Variants in PAPSS2 observed in about 807,000 individuals in gnomAD.
The protein encoded by PAPSS2 is bifunctional 3'-phosphoadenosine 5'-phosphosulfate synthase 2.
In PAPSS2, 61 loss-of-function variants were observed where a neutral mutation model predicts 66.5. The observed-to-expected ratio is 0.92, with a 90% CI of 0.75 to 1.14. PAPSS2 has a LOEUF of 1.14. PAPSS2 is among the 50% of genes most tolerant of loss of function. The probability of loss-of-function intolerance (pLI) is 0.00; values close to 1 mark genes in which losing one functional copy is unlikely to be tolerated. For synonymous variants in PAPSS2, 289 were observed against 287.5 expected (o/e 1.01, Z -0.05); for missense variants, 708 against 789.6 (o/e 0.90, Z 1.24).
intron 1 of PAPSS2, among the ~76,000 whole-genome samples, chr10:87,701,663 G>A (rs550594159): frequency 5.3e-5 from 8 of 152,026 alleles, no homozygotes; most frequent in African/African-American, 1.7e-4. Context: ...GGACTCAAGC[G>A]ATTCTCTCAC....
In PAPSS2 at chr10:87,747,689, A is replaced by T. The variant is rs1391465507; in HGVS notation, c.*1719A>T. The T allele has an allele frequency of 6.6e-6, 1 of 152,228 alleles. No individual in the cohort carries two copies. The highest frequency in any genetic ancestry group is 6.5e-5 in the Admixed American group (1 of 15,270). The allele number at this position is 152,228 out of a possible 1,614,324, so 9.4% of individuals were successfully genotyped here. ...AACTGATGCTTGTTCTTATTTTAAT[A>T]AATTTATCAGAGTGAAGGCTGAGTT... is the stretch of plus-strand genomic sequence containing the variant. On this transcript the variant is annotated 3_prime_UTR_variant, in exon 13 of 13. Coordinates refer to ENST00000456849, the MANE Select transcript of PAPSS2 (RefSeq NM_001015880.2).
intron 1 of PAPSS2, among the ~76,000 whole-genome samples, chr10:87,693,393 A>G (rs1853194914): frequency 6.6e-6 from 1 of 152,238 alleles, no homozygotes; most frequent in Non-Finnish European, 1.5e-5. Flanking sequence ...GTTCCCCAGC[A>G]GAGAGTGAAC....
chr10:87,711,620 A>T (rs1853463013), intron 2 of PAPSS2, among the ~76,000 whole-genome samples: 1 of 152,208 alleles, frequency 6.6e-6, no homozygotes, highest in African/African-American at 2.4e-5. Flanking sequence ...TGATTTGATG[A>T]AGTTAGTGTT....
chr10:87,669,772 G>A (rs1313224171), intron 1 of PAPSS2, among the ~76,000 whole-genome samples: 1 of 152,190 alleles, frequency 6.6e-6, no homozygotes, highest in Non-Finnish European at 1.5e-5. Context: ...AGTCCAAAGG[G>A]AACTCATTTA....
At chr10:87,686,802 C>T (rs565764239) in intron 1 of PAPSS2, among the ~76,000 whole-genome samples, 4 of 152,198 alleles carry the variant, frequency 2.6e-5, no homozygotes, top group Admixed American at 2.6e-4. Context: ...AAAAGAATTC[C>T]TAAACAGAAT....
In PAPSS2 at chr10:87,743,252, A is replaced by C. The variant is rs542900914; in HGVS notation, c.1223-121A>C. 1.9e-5 allele frequency: 21 copies of C among 1,120,882 alleles called. No individual in the cohort carries two copies. In the African/African-American group the frequency reaches 3.1e-4, roughly 17 times the overall value. The allele number at this position is 1,120,882 out of a possible 1,614,324, so 69.4% of individuals were successfully genotyped here. Reference sequence around the variant, plus strand: ...AGAGTGAGACTCTTTCAAAAAAAAAAAAAAAAGCCAGTGGATAATGAATGC... The same window carrying C: ...AGAGTGAGACTCTTTCAAAAAAAAACAAAAAAGCCAGTGGATAATGAATGC... On this transcript the variant is annotated intron_variant, in intron 10 of 12. Transcript: ENST00000456849.
chr10:87,684,847 G>A (rs1853067778), intron 1 of PAPSS2, among the ~76,000 whole-genome samples: 1 of 152,198 alleles, frequency 6.6e-6, no homozygotes, highest in Admixed American at 6.5e-5. Flanking sequence ...GCCAGACCTT[G>A]AGCCAAGGTA....
chr10:87,718,770 C>A (rs1318732621), intron 7 of PAPSS2, among the ~76,000 whole-genome samples: 1 of 152,206 alleles, frequency 6.6e-6, no homozygotes, highest in African/African-American at 2.4e-5. Context: ...TCTGTATTAA[C>A]CTCAATTGAA....
At chr10:87,718,509 A>G (rs1256758838) in intron 7 of PAPSS2, among the ~76,000 whole-genome samples, 1 of 152,172 alleles carries the variant, frequency 6.6e-6, no homozygotes, top group African/African-American at 2.4e-5. Flanking sequence ...CCAAGCCCCT[A>G]CCTGCTCATG....
At chr10:87,698,561 A>T (rs768249951) in intron 1 of PAPSS2, among the ~76,000 whole-genome samples, 50 of 152,330 alleles carry the variant, frequency 3.3e-4, no homozygotes, top group Non-Finnish European at 6.5e-4. Context: ...ATAATCCTAT[A>T]GTGTTGGAGG....
At chr10:87,734,366 C>T (rs1229660307) in intron 9 of PAPSS2, among the ~76,000 whole-genome samples, 1 of 151,966 alleles carries the variant, frequency 6.6e-6, no homozygotes, top group Non-Finnish European at 1.5e-5. Context: ...CTTTGTCCTC[C>T]CAGAGTAATT....
chr10:87,660,824 A>C (rs947905366), intron 1 of PAPSS2, among the ~76,000 whole-genome samples: 20 of 117,816 alleles, frequency 1.7e-4, no homozygotes, highest in East Asian at 1.6e-3. Context: ...AAAAAAAAAA[A>C]AAAAAAAAAA....
chr10:87,745,280 T>C, intron 12 of PAPSS2, 49 bp downstream of exon 12: 1 of 1,452,638 alleles, frequency 6.9e-7, no homozygotes, highest in Non-Finnish European at 9.5e-7. Context: ...ATAAAAGAAA[T>C]GATGAGGCAG....
chr10:87,706,108 A>ATATATATATATATATATATATATATGTG, intron 1 of PAPSS2, among the ~76,000 whole-genome samples: 2 of 52,002 alleles, frequency 3.8e-5, no homozygotes, highest in Non-Finnish European at 7.0e-5. Context: ...ATATATATAT[A>ATATATATATATATATATATATATATGTG]TGTGTGTGTG....
intron 6 of PAPSS2, among the ~76,000 whole-genome samples, chr10:87,715,383 C>A (rs947191456): frequency 1.3e-5 from 2 of 152,120 alleles, no homozygotes; most frequent in African/African-American, 4.8e-5. Context: ...CCAGTAAGTA[C>A]ATCTGGTAGA....
intron 1 of PAPSS2, among the ~76,000 whole-genome samples, chr10:87,701,912 A>G (rs1853324005): frequency 6.6e-6 from 1 of 152,224 alleles, no homozygotes. Context: ...GTCATTGAAT[A>G]TTTAGAAGTG....
Position 87,741,331 on chromosome 10 carries a change from C to G in PAPSS2, c.1183C>G (p.Pro395Ala). 1 of 1,613,736 alleles carries G rather than the reference C, an allele frequency of 6.2e-7. No homozygotes were observed. Among genetic ancestry groups the G allele is most frequent in the Middle Eastern group, 1.6e-4 (1 of 6,062 alleles). Residue 395 changes from proline (P) to alanine (A), a missense_variant, in exon 10 of 13, where the codon CCT becomes GCT. Coordinates refer to ENST00000456849, the MANE Select transcript of PAPSS2 (RefSeq NM_001015880.2). ...TGGGCTGGACCAATACCGTCTGACA[C>G]CTCTGGAGCTCAAACAGAAATGTAA... ...NDGLDQYRLT[P>A]LELKQKCKEM...
In PAPSS2 at chr10:87,714,984, G is replaced by A; in HGVS notation, c.640-1G>A. ...TTTTTACCAATGCTGTTTCATTTCA[G>A]AACATTGTACCCTATACTATAATCA... is the stretch of plus-strand genomic sequence containing the variant. On this transcript the variant is annotated splice_acceptor_variant, in intron 5 of 12. Transcript: ENST00000456849. LOFTEE classifies it high-confidence loss of function. The A allele has an allele frequency of 6.3e-7, 1 of 1,592,412 alleles. No individual in the cohort carries two copies. The highest frequency in any genetic ancestry group is 8.6e-7 in the Non-Finnish European group (1 of 1,160,388).
chr10:87,721,836 G>T, intron 8 of PAPSS2, 66 bp downstream of exon 8: 2 of 934,382 alleles, frequency 2.1e-6, no homozygotes, highest in Non-Finnish European at 3.3e-6. Context: ...AACTGGAAAT[G>T]GTTAAGAACA....
Sources: gnomAD v4.1 joint callset for allele counts (sites outside exome capture counted in the v4.1 genomes callset) on GRCh38, gnomAD v4.1.1 for gene constraint, MANE v1.5 for transcripts, NCBI Gene and HGNC (gene_info 2026-07-23, HGNC 2026-07-21) for gene names.